Variants in SSBP2 observed in about 807,000 individuals in gnomAD.
SSBP2 encodes the protein single-stranded DNA-binding protein 2.
A neutral mutation model predicts 61.8 loss-of-function variants in SSBP2; 17 were observed. The ratio of observed to expected loss-of-function variants is 0.28; its 90% CI spans 0.19 to 0.41. The LOEUF is 0.41. Among genes scored for constraint, SSBP2 ranks in the 10% least tolerant of loss-of-function variants. The pLI, the probability that SSBP2 is intolerant of heterozygous loss-of-function variation, is 1.00. For synonymous variants in SSBP2, 139 were observed against 141.3 expected (o/e 0.98, Z 0.12); for missense variants, 310 against 458.7 (o/e 0.68, Z 2.96).
intron 1 of SSBP2, among the ~76,000 whole-genome samples, chr5:81,735,286 A>C (rs1756525913): frequency 2.6e-5 from 4 of 152,240 alleles, no homozygotes; most frequent in African/African-American, 9.6e-5. Flanking sequence ...GTAGAAATAC[A>C]CTATTAGTAA....
At chr5:81,577,122 T>G (rs984081416) in intron 4 of SSBP2, among the ~76,000 whole-genome samples, 1 of 152,086 alleles carries the variant, frequency 6.6e-6, no homozygotes, top group Non-Finnish European at 1.5e-5. Context: ...TATGTTTACA[T>G]GTATAGGTTA....
intron 5 of SSBP2, among the ~76,000 whole-genome samples, chr5:81,501,077 G>A (rs926008675): frequency 6.0e-5 from 9 of 149,352 alleles, no homozygotes; most frequent in Non-Finnish European, 1.3e-4. Flanking sequence ...AGCCGGGTGT[G>A]GTGGGCACCT....
At chr5:81,471,464 T>C (rs1402410042) in intron 8 of SSBP2, among the ~76,000 whole-genome samples, 1 of 151,920 alleles carries the variant, frequency 6.6e-6, no homozygotes, top group South Asian at 2.1e-4. Flanking sequence ...TTTTTGTGTA[T>C]ATTTAAAATG....
intron 4 of SSBP2, among the ~76,000 whole-genome samples, chr5:81,604,187 T>C (rs1744650533): frequency 6.6e-6 from 1 of 151,954 alleles, no homozygotes; most frequent in Admixed American, 6.6e-5. Context: ...CTCATTTACA[T>C]GAGATAAAAG....
In SSBP2 at chr5:81,442,254, T is replaced by C. The variant is rs543669315; in HGVS notation, c.849+399A>G. ...TTTCATATTCTAAAAAAAACAAGCA[T>C]AGCCAACTTCCTCCTTTATTTTCAA... On this transcript the variant is annotated intron_variant, in intron 13 of 16. Coordinates refer to ENST00000320672, the MANE Select transcript of SSBP2 (RefSeq NM_012446.5). Among the ~76,000 whole-genome samples, 3 of 152,160 alleles carry C rather than the reference T, an allele frequency of 2.0e-5. No homozygotes were observed. The East Asian group carries it at 5.8e-4, about 29-fold the overall frequency.
chr5:81,486,312 C>T (rs1412442795), intron 6 of SSBP2, among the ~76,000 whole-genome samples: 3 of 152,094 alleles, frequency 2.0e-5, no homozygotes, highest in Admixed American at 6.6e-5. Flanking sequence ...TTCCCACCAC[C>T]AACCTTGTCT....
chr5:81,440,944 T>C (rs1762992641), intron 13 of SSBP2, among the ~76,000 whole-genome samples: 1 of 152,270 alleles, frequency 6.6e-6, no homozygotes, highest in East Asian at 1.9e-4. Flanking sequence ...ATAAGCATTT[T>C]CCTCTATGAT....
chr5:81,642,469 T>C (rs1473299674), intron 2 of SSBP2, among the ~76,000 whole-genome samples: 1 of 152,214 alleles, frequency 6.6e-6, no homozygotes, highest in African/African-American at 2.4e-5. Flanking sequence ...AATATGCTGT[T>C]TTTATCATAT....
intron 4 of SSBP2, among the ~76,000 whole-genome samples, chr5:81,572,813 T>C (rs1215798290): frequency 1.3e-5 from 2 of 152,136 alleles, no homozygotes; most frequent in Non-Finnish European, 2.9e-5. Flanking sequence ...CTGTATGCCA[T>C]AGGATATTTT....
At chr5:81,597,551 A>G (rs1344477430) in intron 4 of SSBP2, among the ~76,000 whole-genome samples, 1 of 152,286 alleles carries the variant, frequency 6.6e-6, no homozygotes, top group East Asian at 1.9e-4. Context: ...ATAAAGACAC[A>G]TGCACACGTA....
At chr5:81,535,339 T>C (rs1254358580) in intron 4 of SSBP2, among the ~76,000 whole-genome samples, 2 of 152,146 alleles carry the variant, frequency 1.3e-5, no homozygotes, top group African/African-American at 4.8e-5. Context: ...ATCTCAATAT[T>C]GTCAAGATGT....
At chr5:81,488,069 TC>T (rs200072501) in intron 6 of SSBP2, among the ~76,000 whole-genome samples, 1,429 of 92,080 alleles carry the variant, frequency 0.016, 232 homozygotes, top group Non-Finnish European at 0.028. Context: ...AAATAAAATA[TC>T]ATATATTATA....
chr5:81,652,769 T>C (rs1426725799), intron 1 of SSBP2, among the ~76,000 whole-genome samples: 2 of 152,014 alleles, frequency 1.3e-5, no homozygotes, highest in African/African-American at 2.4e-5. Flanking sequence ...TTTTTTTTCA[T>C]AGAATTTTTG....
chr5:81,684,689 T>C (rs962754839), intron 1 of SSBP2, among the ~76,000 whole-genome samples: 2 of 152,186 alleles, frequency 1.3e-5, no homozygotes, highest in Admixed American at 1.3e-4. Context: ...ATTTACCCGA[T>C]GCTTGTACCC....
chr5:81,748,332 ATC>A (rs912794354), intron 1 of SSBP2, among the ~76,000 whole-genome samples: 8 of 152,196 alleles, frequency 5.3e-5, no homozygotes, highest in African/African-American at 1.4e-4. Flanking sequence ...ACCTTTTATA[ATC>A]TGTTACCTTA....
intron 3 of SSBP2, among the ~76,000 whole-genome samples, chr5:81,616,961 T>G (rs1427033487): frequency 3.2e-4 from 45 of 140,916 alleles, no homozygotes; most frequent in African/African-American, 1.1e-3. Flanking sequence ...TACATCACCA[T>G]CATCAAAGAC....
chr5:81,657,987 T>C (rs575184505), intron 1 of SSBP2, among the ~76,000 whole-genome samples: 92 of 152,274 alleles, frequency 6.0e-4, no homozygotes, highest in Admixed American at 1.2e-3. Flanking sequence ...CATGTATATA[T>C]TGTGGAATGA....
At chr5:81,504,113 ACATGTACC>A (rs1421708175) in intron 5 of SSBP2, among the ~76,000 whole-genome samples, 1 of 152,176 alleles carries the variant, frequency 6.6e-6, no homozygotes, top group Non-Finnish European at 1.5e-5. Context: ...ACAAACCAGC[ACATGTACC>A]CCTGAATCTA....
intron 1 of SSBP2, among the ~76,000 whole-genome samples, chr5:81,745,894 C>A (rs1757323380): frequency 1.3e-5 from 2 of 152,000 alleles, no homozygotes; most frequent in Admixed American, 6.6e-5. Flanking sequence ...TATTCCAGCC[C>A]CTGCCCCACA....
Sources: gnomAD v4.1 joint callset for allele counts (sites outside exome capture counted in the v4.1 genomes callset) on GRCh38, gnomAD v4.1.1 for gene constraint, MANE v1.5 for transcripts, NCBI Gene and HGNC (gene_info 2026-07-23, HGNC 2026-07-21) for gene names.